The following SDCCAG8 variants were observed in gnomAD, a reference collection of about 807,000 sequenced individuals.
SDCCAG8 encodes the protein serologically defined colon cancer antigen 8.
SDCCAG8 carries 74 observed loss-of-function variants against 101.8 expected under a neutral mutation model. That is an observed-to-expected ratio of 0.73 (90% CI 0.60 to 0.88). The LOEUF (loss-of-function observed/expected upper bound fraction) is 0.88, where lower values mean the gene tolerates loss of function less well. Among genes scored for constraint, SDCCAG8 ranks in the 40% least tolerant of loss-of-function variants. The pLI, the probability that SDCCAG8 is intolerant of heterozygous loss-of-function variation, is 0.00. For synonymous variants in SDCCAG8, 281 were observed against 292.9 expected (o/e 0.96, Z 0.41); for missense variants, 787 against 822.6 (o/e 0.96, Z 0.53).
chr1:243,370,274 G>A (rs1016753213), intron 12 of SDCCAG8, among the ~76,000 whole-genome samples: 1 of 151,966 alleles, frequency 6.6e-6, no homozygotes, highest in Non-Finnish European at 1.5e-5. Flanking sequence ...CACTGAAAAA[G>A]CATGATAGGA....
intron 9 of SDCCAG8, among the ~76,000 whole-genome samples, chr1:243,320,911 C>A (rs2073704826): frequency 6.6e-6 from 1 of 152,186 alleles, no homozygotes; most frequent in Non-Finnish European, 1.5e-5. Context: ...CTTATCTTAG[C>A]CTACATGGTA....
chr1:243,377,305 A>C (rs2077653981), intron 12 of SDCCAG8, among the ~76,000 whole-genome samples: 1 of 152,038 alleles, frequency 6.6e-6, no homozygotes. Context: ...ATAAATGTTA[A>C]ACAATACAAA....
In SDCCAG8 at chr1:243,286,394, A is replaced by C. The variant is rs375641930; in HGVS notation, c.543A>C (p.Ala181=). The change falls in exon 5 of 18, where the codon GCA becomes GCC. Residue 181 remains alanine, a synonymous_variant. Transcript: ENST00000366541. ...ETLREQTLLD[A]SGNMHNSWIT... ...TGAGGGAACAAACACTTCTGGATGC[A>C]TCCGTGAGCATTATTTTAAATCATA... The C allele has an allele frequency of 1.3e-5, 21 of 1,613,894 alleles. No individual in the cohort carries two copies. The African/African-American group carries it at 2.8e-4, about 22-fold the overall frequency.
rs577424140 is a variant in SDCCAG8, at chr1:243,482,750, A to G, written c.1986-6264A>G. 5.3e-5 allele frequency among the ~76,000 whole-genome samples: 8 copies of G among 152,318 alleles called. No individual in the cohort carries two copies. The South Asian group carries it at 8.3e-4, about 16-fold the overall frequency. On this transcript the variant is annotated intron_variant, in intron 16 of 17. Transcript: ENST00000366541. ...TTCCTGCCCCTGATGGGGCCTGGCC[A>G]CAGCTCCCAGGGCTCCATGACAGCA...
chr1:243,424,145 A>G (rs940951583), intron 15 of SDCCAG8, among the ~76,000 whole-genome samples: 1 of 152,056 alleles, frequency 6.6e-6, no homozygotes, highest in Non-Finnish European at 1.5e-5. Context: ...GTTTCATTAA[A>G]TTATGCTTTT....
At chr1:243,260,950 A>G (rs915444088) in intron 1 of SDCCAG8, among the ~76,000 whole-genome samples, 1 of 152,156 alleles carries the variant, frequency 6.6e-6, no homozygotes, top group African/African-American at 2.4e-5. Context: ...ACCTTAGGCA[A>G]GTGAAACACA....
intron 16 of SDCCAG8, among the ~76,000 whole-genome samples, chr1:243,431,818 C>G (rs1011348999): frequency 6.6e-6 from 1 of 152,138 alleles, no homozygotes; most frequent in Non-Finnish European, 1.5e-5. Flanking sequence ...TCACTGTCAC[C>G]GACTCCCAGT....
At chr1:243,417,184 G>A (rs1336908649) in intron 14 of SDCCAG8, among the ~76,000 whole-genome samples, 1 of 152,138 alleles carries the variant, frequency 6.6e-6, no homozygotes, top group Non-Finnish European at 1.5e-5. Context: ...ACCAGGTTTA[G>A]TAGAAGTTTT....
intron 10 of SDCCAG8, among the ~76,000 whole-genome samples, chr1:243,336,783 G>A (rs573411030): frequency 1.3e-5 from 2 of 152,040 alleles, no homozygotes; most frequent in South Asian, 4.1e-4. Context: ...ATGTTTGTTG[G>A]CCATTTGTAT....
At chr1:243,436,442 T>C (rs568172877) in intron 16 of SDCCAG8, among the ~76,000 whole-genome samples, 2 of 152,188 alleles carry the variant, frequency 1.3e-5, no homozygotes, top group Non-Finnish European at 2.9e-5. Flanking sequence ...AGATTCATTC[T>C]TTTTTTGCAT....
rs1305547939 is a variant in SDCCAG8, at chr1:243,473,928, G to GTC, written c.1986-15086_1986-15085insTC. Among the ~76,000 whole-genome samples, 2 of 101,652 alleles carry GTC rather than the reference G, an allele frequency of 2.0e-5. 1 individual carries two copies. Among genetic ancestry groups the GTC allele is most frequent in the African/African-American group, 7.4e-5 (2 of 26,992 alleles). The allele number at this position is 101,652 out of a possible 152,430, so 66.7% of individuals were successfully genotyped here. A position where few individuals can be genotyped will look rare whatever the true frequency, so the allele number is the denominator to read the frequency against. On this transcript the variant is annotated intron_variant, in intron 16 of 17. Coordinates refer to ENST00000366541, the MANE Select transcript of SDCCAG8 (RefSeq NM_006642.5). ...ATTGGAGGAGAGTTGCCGGCGGGGGGGGGGGGGGGGGCCGGGGGAGTACTT... is the reference window on the plus strand; with the variant it reads ...ATTGGAGGAGAGTTGCCGGCGGGGGGTCGGGGGGGGGGGCCGGGGGAGTACTT...
chr1:243,445,549 C>G (rs761354560), intron 16 of SDCCAG8, among the ~76,000 whole-genome samples: 5 of 152,092 alleles, frequency 3.3e-5, no homozygotes, highest in Non-Finnish European at 7.4e-5. Flanking sequence ...ATTGGAAGGT[C>G]AAAAAATACA....
chr1:243,257,542 C>T (rs1440962333), intron 1 of SDCCAG8, among the ~76,000 whole-genome samples: 2 of 152,052 alleles, frequency 1.3e-5, no homozygotes, highest in African/African-American at 4.8e-5. Context: ...ACTAGACAAG[C>T]ACTCATTAAA....
intron 16 of SDCCAG8, among the ~76,000 whole-genome samples, chr1:243,446,273 C>T (rs2082896931): frequency 6.6e-6 from 1 of 152,098 alleles, no homozygotes; most frequent in African/African-American, 2.4e-5. Flanking sequence ...TTTCCTCCTT[C>T]TTTTTTTAAG....
intron 5 of SDCCAG8, among the ~76,000 whole-genome samples, chr1:243,289,262 T>C (rs762177614): frequency 1.2e-4 from 18 of 152,154 alleles, no homozygotes; most frequent in Admixed American, 5.9e-4. Flanking sequence ...AGGAGAAAGA[T>C]GTAGGCTGGG....
intron 13 of SDCCAG8, among the ~76,000 whole-genome samples, chr1:243,405,923 T>C (rs2079747175): frequency 6.6e-6 from 1 of 151,974 alleles, no homozygotes; most frequent in African/African-American, 2.4e-5. Flanking sequence ...TAAAACATTT[T>C]AATAATAGAA....
intron 12 of SDCCAG8, among the ~76,000 whole-genome samples, chr1:243,346,733 T>A (rs192961054): frequency 1.8e-4 from 28 of 152,290 alleles, no homozygotes; most frequent in Non-Finnish European, 3.4e-4. Flanking sequence ...CTCCTTTGTA[T>A]CTCTTCAGCT....
intron 12 of SDCCAG8, among the ~76,000 whole-genome samples, chr1:243,362,022 C>CT (rs544645846): frequency 4.8e-5 from 7 of 147,226 alleles, no homozygotes; most frequent in African/African-American, 1.5e-4. Flanking sequence ...AAGTGACTGC[C>CT]TCAAGTAACA....
intron 10 of SDCCAG8, among the ~76,000 whole-genome samples, chr1:243,337,726 T>A (rs1307199061): frequency 2.0e-5 from 3 of 152,194 alleles, no homozygotes; most frequent in African/African-American, 7.2e-5. Context: ...TTGTGGCTGT[T>A]GTTTTAGAGA....
Sources: gnomAD v4.1 joint callset for allele counts (sites outside exome capture counted in the v4.1 genomes callset) on GRCh38, gnomAD v4.1.1 for gene constraint, MANE v1.5 for transcripts, NCBI Gene and HGNC (gene_info 2026-07-23, HGNC 2026-07-21) for gene names.